The following SLC4A4 variants were observed in gnomAD, a reference collection of about 807,000 sequenced individuals.
SLC4A4 encodes electrogenic sodium bicarbonate cotransporter 1.
In SLC4A4, 27 loss-of-function variants were observed where a neutral mutation model predicts 111.5. The observed-to-expected ratio is 0.24, with a 90% CI of 0.18 to 0.33. The LOEUF is 0.33. Among genes scored for constraint, SLC4A4 ranks in the 10% least tolerant of loss-of-function variants. SLC4A4 has a pLI of 1.00. For synonymous variants in SLC4A4, 443 were observed against 463.4 expected, an observed-to-expected ratio of 0.96 and a Z score of 0.57; for missense variants, 909 against 1,315.5, an observed-to-expected ratio of 0.69 and a Z score of 4.78.
At position 71,079,806 on chromosome 4, in the gene SLC4A4, A is replaced by G. The variant is rs558531005; in HGVS notation, c.-64-12924A>G. ...AAAAAAAAGATGTAAAGAAAATGCT[A>G]TGATTTGCTGATAGAGGCCAGGCTG... On this transcript the variant is annotated intron_variant, in intron 1 of 26. Transcript: ENST00000649996. Among the ~76,000 whole-genome samples the G allele has an allele frequency of 7.0e-4, 106 of 151,682 alleles. 1 individual carries two copies. The highest frequency in any genetic ancestry group is 5.8e-3 in the South Asian group (28 of 4,804).
intron 2 of SLC4A4, among the ~76,000 whole-genome samples, chr4:71,121,951 A>G (rs1353088176): frequency 2.6e-5 from 4 of 152,090 alleles, no homozygotes; most frequent in African/African-American, 9.7e-5. Context: ...TCCGGACGGG[A>G]GGAATGAACA....
chr4:71,347,153 T>G (rs1729397474), intron 4 of SLC4A4, among the ~76,000 whole-genome samples: 1 of 152,150 alleles, frequency 6.6e-6, no homozygotes, highest in Non-Finnish European at 1.5e-5. Flanking sequence ...ATGCACTTTT[T>G]AAATGTATTC....
intron 2 of SLC4A4, among the ~76,000 whole-genome samples, chr4:71,101,805 A>C (rs1276284295): frequency 6.6e-6 from 1 of 151,964 alleles, no homozygotes; most frequent in Non-Finnish European, 1.5e-5. Flanking sequence ...AGTAGATAAA[A>C]CCACAAAGAT....
At chr4:71,343,319 AAAGCTTAG>A (rs1328300203) in intron 4 of SLC4A4, among the ~76,000 whole-genome samples, 1 of 152,214 alleles carries the variant, frequency 6.6e-6, no homozygotes, top group Non-Finnish European at 1.5e-5. Context: ...TGCCATTGAT[AAAGCTTAG>A]AAGGGGACCT....
At chr4:71,142,761 C>CTTTTTTTTTTTTT (rs34495804) in intron 2 of SLC4A4, among the ~76,000 whole-genome samples, 1 of 78,040 alleles carries the variant, frequency 1.3e-5, no homozygotes, top group Admixed American at 1.7e-4. Flanking sequence ...TTTTCTCACT[C>CTTTTTTTTTTTTT]TTTTTTTTTT....
intron 2 of SLC4A4, among the ~76,000 whole-genome samples, chr4:71,244,208 G>A (rs369711041): frequency 3.9e-5 from 6 of 152,110 alleles, no homozygotes; most frequent in African/African-American, 1.4e-4. Context: ...GTTTTTACTC[G>A]CTTTTATTCC....
chr4:71,216,053 C>T (rs539910638), intron 1 of SLC4A4, among the ~76,000 whole-genome samples: 4 of 151,938 alleles, frequency 2.6e-5, no homozygotes, highest in Non-Finnish European at 4.4e-5. Context: ...GGATTACAGG[C>T]GTGCACCACC....
At chr4:71,449,840 T>C (rs997459929) in intron 9 of SLC4A4, among the ~76,000 whole-genome samples, 3 of 152,232 alleles carry the variant, frequency 2.0e-5, no homozygotes, top group Non-Finnish European at 2.9e-5. Flanking sequence ...TGCTAAAAGA[T>C]AGACAGATGA....
At chr4:71,395,342 A>G (rs922754645) in intron 6 of SLC4A4, among the ~76,000 whole-genome samples, 1 of 152,202 alleles carries the variant, frequency 6.6e-6, no homozygotes, top group African/African-American at 2.4e-5. Context: ...AGTGTTAAAC[A>G]TTAGTGAAGC....
chr4:71,443,116 C>CTCTCTCTCTCTCTCTCTATA (rs1198759861), intron 8 of SLC4A4, among the ~76,000 whole-genome samples: 1 of 65,652 alleles, frequency 1.5e-5, no homozygotes, highest in South Asian at 5.3e-4. Flanking sequence ...CTCTCTCTCT[C>CTCTCTCTCTCTCTCTCTATA]TATATATATA....
At chr4:71,285,056 A>G (rs1280652101) in intron 3 of SLC4A4, among the ~76,000 whole-genome samples, 1 of 152,172 alleles carries the variant, frequency 6.6e-6, no homozygotes, top group African/African-American at 2.4e-5. Context: ...CAGCTCTTGA[A>G]GAGCTGGGCA....
rs116752099 is a variant in SLC4A4, at chr4:71,073,806, G to T, written c.-65+11018G>T. Among the ~76,000 whole-genome samples, 1,503 of 152,156 alleles carry T rather than the reference G, an allele frequency of 9.9e-3. 19 individuals are homozygous for T. Among genetic ancestry groups the T allele is most frequent in the African/African-American group, 0.035 (1,439 of 41,496 alleles). On this transcript the variant is annotated intron_variant, in intron 1 of 26. Transcript: ENST00000649996. ...CCTAAGAAAATCCAGAAAAGGCCGG[G>T]TGCGGTGGCTTACACCTTTAAAATC...
chr4:71,289,912 A>G (rs1724202256), intron 3 of SLC4A4, among the ~76,000 whole-genome samples: 1 of 152,240 alleles, frequency 6.6e-6, no homozygotes, highest in African/African-American at 2.4e-5. Flanking sequence ...ATTCTTGAGT[A>G]TATGCAATGT....
chr4:71,065,383 A>G (rs1362574641), intron 1 of SLC4A4, among the ~76,000 whole-genome samples: 2 of 140,016 alleles, frequency 1.4e-5, no homozygotes, highest in African/African-American at 4.9e-5. Context: ...AAATAAGAAT[A>G]TATGTTGTGA....
In SLC4A4 at chr4:71,457,229, T is replaced by C. The variant is rs142619076; in HGVS notation, c.1497+3560T>C. ...TAGAAGCAGATTATTTTGGGAGCTATGTAGATTATTTCCCATGAAATTATG... is the reference window on the plus strand; with the variant it reads ...TAGAAGCAGATTATTTTGGGAGCTACGTAGATTATTTCCCATGAAATTATG... On this transcript the variant is annotated intron_variant, in intron 12 of 25. Coordinates refer to ENST00000264485, the MANE Select transcript of SLC4A4 (RefSeq NM_001098484.3). Among the ~76,000 whole-genome samples the C allele has an allele frequency of 2.0e-5, 3 of 152,286 alleles. No individual in the cohort carries two copies. The East Asian group carries it at 5.8e-4, about 29-fold the overall frequency.
At chr4:71,467,485 G>A (rs779847671) in intron 13 of SLC4A4, among the ~76,000 whole-genome samples, 2 of 151,968 alleles carry the variant, frequency 1.3e-5, no homozygotes, top group East Asian at 3.9e-4. Flanking sequence ...GTGAGGTAGG[G>A]ACCACATCCT....
chr4:71,393,918 C>T (rs1719546324), intron 6 of SLC4A4, among the ~76,000 whole-genome samples: 1 of 152,096 alleles, frequency 6.6e-6, no homozygotes, highest in South Asian at 2.1e-4. Flanking sequence ...GGAGAAAGGA[C>T]ACCCTTTTCA....
chr4:71,546,219 C>G, intron 18 of SLC4A4, 131 bp from the exon 19 acceptor site: 1 of 767,768 alleles, frequency 1.3e-6, no homozygotes, highest in Non-Finnish European at 2.3e-6. Context: ...AAAGTCCCCT[C>G]TTTCAAGGAG....
chr4:71,308,331 A>T (rs769723578), intron 3 of SLC4A4, among the ~76,000 whole-genome samples: 12 of 152,208 alleles, frequency 7.9e-5, no homozygotes, highest in Admixed American at 3.9e-4. Context: ...TGATCTCATT[A>T]CATGTGGATT....
Sources: gnomAD v4.1 joint callset for allele counts (sites outside exome capture counted in the v4.1 genomes callset) on GRCh38, gnomAD v4.1.1 for gene constraint, MANE v1.5 for transcripts, NCBI Gene and HGNC (gene_info 2026-07-23, HGNC 2026-07-21) for gene names.